Variants in ZDHHC14 observed in about 807,000 individuals in gnomAD.
ZDHHC14 encodes palmitoyltransferase ZDHHC14.
ZDHHC14 carries 16 observed loss-of-function variants against 47.7 expected under a neutral mutation model. The ratio of observed to expected loss-of-function variants is 0.34; its 90% CI spans 0.23 to 0.51. The LOEUF is 0.51. ZDHHC14 is among the 20% of genes least tolerant of loss of function. The pLI is 0.97. For synonymous variants in ZDHHC14, 293 were observed against 278.9 expected (o/e 1.05, Z -0.50); for missense variants, 515 against 662.5 (o/e 0.78, Z 2.44).
chr6:157,393,983 C>T (rs1056552489), intron 1 of ZDHHC14, among the ~76,000 whole-genome samples: 20 of 152,210 alleles, frequency 1.3e-4, no homozygotes, highest in Admixed American at 1.1e-3. Flanking sequence ...GGCATTTCCT[C>T]TTGCCTGTAG....
chr6:157,555,986 C>T (rs907991753), intron 2 of ZDHHC14, among the ~76,000 whole-genome samples: 2 of 152,092 alleles, frequency 1.3e-5, no homozygotes, highest in African/African-American at 2.4e-5. Flanking sequence ...CAGAGATGCA[C>T]GCTGGATTCA....
chr6:157,438,318 T>C (rs191877613), intron 1 of ZDHHC14, among the ~76,000 whole-genome samples: 1 of 152,332 alleles, frequency 6.6e-6, no homozygotes, highest in African/African-American at 2.4e-5. Context: ...GTTTTTCAAA[T>C]GGAGTGATTA....
chr6:157,607,937 C>T (rs541972913), intron 3 of ZDHHC14, among the ~76,000 whole-genome samples: 8 of 152,336 alleles, frequency 5.3e-5, no homozygotes, highest in South Asian at 2.1e-4. Context: ...GATCGTATTG[C>T]ACAATGTCTT....
rs571343957 is a variant in ZDHHC14 at position 157,446,893 on chromosome 6, C to T, written c.245+64627C>T. Among the ~76,000 whole-genome samples, 8 of 151,758 alleles carry T rather than the reference C, an allele frequency of 5.3e-5. No homozygotes were observed. In the South Asian group the frequency reaches 8.3e-4, roughly 16 times the overall value. On this transcript the variant is annotated intron_variant, in intron 1 of 8. Transcript: ENST00000359775. Reference sequence around the variant, plus strand: ...CAGCACTTTGGGAGGCCGAGGCAGGCGGATCACCTGAGGTCAGGAGTTCGA... The same window carrying T: ...CAGCACTTTGGGAGGCCGAGGCAGGTGGATCACCTGAGGTCAGGAGTTCGA...
In ZDHHC14 at chr6:157,416,131, C is replaced by T. The variant is rs191811521; in HGVS notation, c.245+33865C>T. On this transcript the variant is annotated intron_variant, in intron 1 of 8. Coordinates refer to ENST00000359775, the MANE Select transcript of ZDHHC14 (RefSeq NM_024630.3). The stretch of plus-strand genomic sequence containing the variant: ...TGGATCACTGGAAAAAGCTATTTGG[C>T]TTTGGAGAGCACATGTGTGCATTTG... 6.0e-4 allele frequency among the ~76,000 whole-genome samples: 91 copies of T among 152,256 alleles called. 1 individual carries two copies. The East Asian group carries it at 0.014, about 24-fold the overall frequency.
chr6:157,533,188 G>A (rs1781426056), intron 1 of ZDHHC14, among the ~76,000 whole-genome samples: 1 of 152,140 alleles, frequency 6.6e-6, no homozygotes, highest in Admixed American at 6.5e-5. Context: ...GGTCAACTAT[G>A]TGCTAGACTG....
intron 2 of ZDHHC14, among the ~76,000 whole-genome samples, chr6:157,547,906 T>A (rs953643985): frequency 1.3e-5 from 2 of 151,554 alleles, no homozygotes; most frequent in African/African-American, 4.9e-5. Context: ...AAGGCAGTAT[T>A]AATTTCATTT....
chr6:157,672,339 T>C (rs1397324483), intron 8 of ZDHHC14, among the ~76,000 whole-genome samples: 5 of 152,152 alleles, frequency 3.3e-5, no homozygotes, highest in African/African-American at 1.2e-4. Flanking sequence ...AACAATGTGG[T>C]TTAAAAAATG....
At chr6:157,670,981 C>T (rs889114517) in intron 8 of ZDHHC14, among the ~76,000 whole-genome samples, 1 of 152,122 alleles carries the variant, frequency 6.6e-6, no homozygotes, top group Admixed American at 6.5e-5. Context: ...GCCTTAGGAT[C>T]AGCAGCTTTG....
Position 157,520,975 on chromosome 6 carries a change from C to G in ZDHHC14, c.246-21610C>G, listed in dbSNP as rs553633413. Among the ~76,000 whole-genome samples, 9 of 152,222 alleles carry G rather than the reference C, an allele frequency of 5.9e-5. No individual in the cohort carries two copies. The South Asian group carries it at 8.3e-4, about 14-fold the overall frequency. On this transcript the variant is annotated intron_variant, in intron 1 of 8. Transcript: ENST00000359775. ...TTGAATTTTTGCACATAAAACGAAG[C>G]TTTTAAAAACACTTTTATATCATAT...
rs1349192612 is a variant in ZDHHC14, at chr6:157,382,279, G to T, written c.245+13G>T. 3.7e-6 allele frequency: 6 copies of T among 1,609,654 alleles called. No homozygotes were observed. The highest frequency in any genetic ancestry group is 5.1e-6 in the Non-Finnish European group (6 of 1,178,262). ...TCTTCGCCTTCGAGTAAGTGGTGGC[G>T]ACCGCTCCCCCGACGCCGCACTCCC... is the stretch of plus-strand genomic sequence containing the variant. On this transcript the variant is annotated intron_variant, in intron 1 of 8. Transcript: ENST00000359775.
At chr6:157,450,958 C>T (rs907790700) in intron 1 of ZDHHC14, among the ~76,000 whole-genome samples, 2 of 151,572 alleles carry the variant, frequency 1.3e-5, no homozygotes, top group South Asian at 2.1e-4. Context: ...TAATAATTAT[C>T]ATCAATGGTG....
Position 157,382,021 on chromosome 6 carries a change from G to A in ZDHHC14, c.-1G>A. On this transcript the variant is annotated 5_prime_UTR_variant, in exon 1 of 9. Coordinates refer to ENST00000359775, the MANE Select transcript of ZDHHC14 (RefSeq NM_024630.3). ...GCGCCCCCAGCCGGCTGCCCTCGTG[G>A]ATGCCTCCCGGCGGCGGCGGGCCCA... 1.3e-6 allele frequency: 2 copies of A among 1,501,904 alleles called. No individual in the cohort carries two copies. The highest frequency in any genetic ancestry group is 1.8e-6 in the Non-Finnish European group (2 of 1,126,146). The allele number at this position is 1,501,904 out of a possible 1,614,324, so 93.0% of individuals were successfully genotyped here. A position where few individuals can be genotyped will look rare whatever the true frequency, so the allele number is the denominator to read the frequency against.
chr6:157,614,362 A>ATTTT lies in ZDHHC14; in HGVS notation c.566-13975_566-13972dup, dbSNP rs11288647. 2.8e-5 allele frequency among the ~76,000 whole-genome samples: 4 copies of ATTTT among 145,196 alleles called. No individual in the cohort carries two copies. The East Asian group carries it at 7.9e-4, about 29-fold the overall frequency. ...CTTTACCACATTTACTAGCTGACTG[A>ATTTT]TTTTTTTTTTTTTTTGGTTGATGTA... On this transcript the variant is annotated intron_variant, in intron 3 of 8. Transcript: ENST00000359775.
At chr6:157,598,316 T>TGGAGG (rs1439770403) in intron 3 of ZDHHC14, among the ~76,000 whole-genome samples, 1 of 152,130 alleles carries the variant, frequency 6.6e-6, no homozygotes, top group Non-Finnish European at 1.5e-5. Flanking sequence ...AGCAGGTCAT[T>TGGAGG]GGAGGGGAGT....
chr6:157,653,749 AC>A, intron 8 of ZDHHC14, 122 bp downstream of exon 8: 1 of 862,442 alleles, frequency 1.2e-6, no homozygotes, highest in Non-Finnish European at 1.8e-6. Flanking sequence ...ACAGCCGCCC[AC>A]CCCATGACTA....
chr6:157,434,559 A>G (rs1778402404), intron 1 of ZDHHC14, among the ~76,000 whole-genome samples: 1 of 151,154 alleles, frequency 6.6e-6, no homozygotes, highest in Non-Finnish European at 1.5e-5. Context: ...TATTTGGGTC[A>G]TAAAAACACA....
chr6:157,400,820 T>C (rs143180256), intron 1 of ZDHHC14, among the ~76,000 whole-genome samples: 3,373 of 152,322 alleles, frequency 0.022, 137 homozygotes, highest in African/African-American at 0.077. Context: ...TCCCGCTGTC[T>C]TCCTTTGGCT....
chr6:157,560,009 A>G (rs1782644230), intron 2 of ZDHHC14, among the ~76,000 whole-genome samples: 1 of 152,216 alleles, frequency 6.6e-6, no homozygotes, highest in Non-Finnish European at 1.5e-5. Flanking sequence ...AGCAATTTCT[A>G]TGCATACCAG....
Sources: allele counts gnomAD v4.1 joint callset (sites outside exome capture counted in the v4.1 genomes callset), GRCh38; gene constraint gnomAD v4.1.1; transcripts MANE v1.5; gene names NCBI Gene and HGNC (gene_info 2026-07-23, HGNC 2026-07-21).